Variants in ZNF585A observed in about 807,000 individuals in gnomAD.
ZNF585A encodes the protein zinc finger protein 585A.
In ZNF585A, 9 loss-of-function variants were observed where a neutral mutation model predicts 14.9. The ratio of observed to expected loss-of-function variants is 0.60; its 90% CI spans 0.36 to 1.05. ZNF585A has a LOEUF of 1.05. ZNF585A is among the 50% of genes least tolerant of loss of function. The pLI, the probability that ZNF585A is intolerant of heterozygous loss-of-function variation, is 0.01. For synonymous variants in ZNF585A, 276 were observed against 319.9 expected (o/e 0.86, Z 1.46); for missense variants, 726 against 926.4 (o/e 0.78, Z 2.81).
At chr19:37,157,861 T>TAACCAA (rs1971954281) in intron 2 of ZNF585A, among the ~76,000 whole-genome samples, 1 of 151,530 alleles carries the variant, frequency 6.6e-6, no homozygotes, top group African/African-American at 2.4e-5. Flanking sequence ...TTACACAGGA[T>TAACCAA]AACCAAACAG....
intron 4 of ZNF585A, among the ~76,000 whole-genome samples, chr19:37,153,997 A>G (rs1971883416): frequency 6.6e-6 from 1 of 152,192 alleles, no homozygotes; most frequent in East Asian, 1.9e-4. Context: ...CTCTTCAGAG[A>G]TTCCGTGCTA....
intron 2 of ZNF585A, among the ~76,000 whole-genome samples, chr19:37,166,666 AACTTGTCAACACATTTTTT>A (rs1360782903): frequency 0.022 from 3,325 of 152,022 alleles, 128 homozygotes; most frequent in African/African-American, 0.076. Flanking sequence ...TCAACACATC[AACTTGTCAACACATTTTTT>A]GATTGTCAAC....
At chr19:37,165,346 A>C (rs1392397991) in intron 2 of ZNF585A, 2 of 151,886 alleles carry the variant, frequency 1.3e-5, no homozygotes, top group African/African-American at 4.8e-5. Context: ...ACTACAGAGC[A>C]AGACTATGTC....
chr19:37,147,024 T>G lies in ZNF585A; in HGVS notation c.*4565A>C, dbSNP rs1440904819. On this transcript the variant is annotated 3_prime_UTR_variant, in exon 5 of 5. Transcript: ENST00000292841. ...TATTCATTCATCCATTTAACAAGCT[T>G]GTACTGAGCATCTGCTTTGAGCTGG... The G allele has an allele frequency of 6.6e-6, 1 of 152,200 alleles. No individual in the cohort carries two copies. Among genetic ancestry groups the G allele is most frequent in the Non-Finnish European group, 1.5e-5 (1 of 68,060 alleles). 9.4% of individuals were successfully genotyped at this position (152,200 alleles called of 1,614,324 possible).
At chr19:37,154,982 C>T (rs1350689683) in intron 4 of ZNF585A, among the ~76,000 whole-genome samples, 1 of 149,274 alleles carries the variant, frequency 6.7e-6, no homozygotes, top group Non-Finnish European at 1.5e-5. Flanking sequence ...ATGAGCATAA[C>T]CAAGAAAGAA....
intron 1 of ZNF585A, among the ~76,000 whole-genome samples, chr19:37,171,153 G>A (rs75257747): frequency 0.013 from 2,033 of 152,238 alleles, 17 homozygotes; most frequent in African/African-American, 0.023. Flanking sequence ...CAGCAGGACT[G>A]ATCACTTAAT....
At position 37,151,942 on chromosome 19, in the gene ZNF585A, G is replaced by A; in HGVS notation, c.1957C>T (p.Gln653Ter). ...FSGRSNLSKHQKTHTGEKPYI... is the reference protein window; with the variant it reads ...FSGRSNLSKH ...GGCTTTTCTCCGGTATGAGTTTTCTGGTGCTTACTGAGATTTGACCTGCCA... is the reference window on the plus strand; with the variant it reads ...GGCTTTTCTCCGGTATGAGTTTTCTAGTGCTTACTGAGATTTGACCTGCCA... Residue 653 changes from glutamine (Q) to a stop codon, truncating the protein, a stop_gained, in exon 5 of 5, where the codon CAG (glutamine) becomes TAG (stop). Coordinates refer to ENST00000292841, the MANE Select transcript of ZNF585A (RefSeq NM_001288800.2). LOFTEE classifies it low-confidence loss of function (END_TRUNC). The A allele has an allele frequency of 1.2e-6, 2 of 1,613,612 alleles. No homozygotes were observed. Among genetic ancestry groups the A allele is most frequent in the Non-Finnish European group, 1.7e-6 (2 of 1,179,940 alleles).
chr19:37,159,216 T>G (rs1599751107), intron 2 of ZNF585A, among the ~76,000 whole-genome samples: 1 of 122,042 alleles, frequency 8.2e-6, no homozygotes, highest in African/African-American at 3.3e-5. Context: ...GCCACTGCAC[T>G]CCAGCCGAGG....
At chr19:37,166,832 A>T (rs1972099617) in intron 2 of ZNF585A, among the ~76,000 whole-genome samples, 1 of 151,634 alleles carries the variant, frequency 6.6e-6, no homozygotes, top group Admixed American at 6.6e-5. Context: ...TTAGCACATA[A>T]ACTTACTTTA....
In ZNF585A at chr19:37,153,502, C is replaced by A. The variant is rs533790578; in HGVS notation, c.397G>T (p.Ala133Ser). ...MYPGEKAYEC[A>S]KFEKIFTQKS... ...TGGGTGAATATCTTTTCAAATTTGG[C>A]GCATTCATAAGCTTTCTCCCCAGGA... is the stretch of plus-strand genomic sequence containing the variant. Residue 133 changes from alanine (A) to serine (S), a missense_variant, in exon 5 of 5, where the codon GCC (alanine) becomes TCC (serine). Ala to Ser is a moderately conservative substitution (Grantham distance 99). Transcript: ENST00000292841. The A allele has an allele frequency of 1.9e-6, 3 of 1,614,024 alleles. No individual in the cohort carries two copies. In the South Asian group the frequency reaches 3.3e-5, roughly 18 times the overall value.
In ZNF585A at chr19:37,151,927, C is replaced by T. The variant is rs760168331; in HGVS notation, c.1972G>A (p.Gly658Arg). ...NLSKHQKTHT[G>R]EKPYICSECG... ...TCAGAACAAATGTAGGGCTTTTCTC[C>T]GGTATGAGTTTTCTGGTGCTTACTG... The change falls in exon 5 of 5, where the codon GGA becomes AGA. Residue 658 changes from glycine to arginine, a missense_variant. By Grantham distance (125) the Gly-to-Arg change is moderately radical. Transcript: ENST00000292841. 20 of 1,613,150 alleles carry T rather than the reference C, an allele frequency of 1.2e-5. No individual in the cohort carries two copies. Among genetic ancestry groups the T allele is most frequent in the South Asian group, 8.8e-5 (8 of 91,030 alleles).
intron 2 of ZNF585A, among the ~76,000 whole-genome samples, chr19:37,166,503 A>G (rs111453469): frequency 0.022 from 3,330 of 150,830 alleles, 124 homozygotes; most frequent in African/African-American, 0.077. Context: ...TAGTAGAAAC[A>G]GAGTTCCACC....
intron 2 of ZNF585A, among the ~76,000 whole-genome samples, chr19:37,160,758 G>C (rs1157784598): frequency 6.6e-6 from 1 of 152,082 alleles, no homozygotes; most frequent in Non-Finnish European, 1.5e-5. Flanking sequence ...AAATGGATAA[G>C]ATAAACCATC....
At position 37,153,460 on chromosome 19, in the gene ZNF585A, C is replaced by T; in HGVS notation, c.439G>A (p.Val147Ile). Residue 147 changes from valine (V) to isoleucine (I), a missense_variant, in exon 5 of 5, where the codon GTA becomes ATA. Coordinates refer to ENST00000292841, the MANE Select transcript of ZNF585A (RefSeq NM_001288800.2). ...KIFTQKSQLKVHLKVLAGEKL... is the reference protein window; with the variant it reads ...KIFTQKSQLKIHLKVLAGEKL... ...TCTCCTGCAAGAACTTTCAGGTGTA[C>T]TTTGAGCTGTGACTTCTGGGTGAAT... is the stretch of plus-strand genomic sequence containing the variant. The T allele has an allele frequency of 6.2e-7, 1 of 1,614,136 alleles. No individual in the cohort carries two copies. Among genetic ancestry groups the T allele is most frequent in the Non-Finnish European group, 8.5e-7 (1 of 1,180,024 alleles).
intron 2 of ZNF585A, among the ~76,000 whole-genome samples, chr19:37,164,547 A>T (rs1366697841): frequency 1.3e-5 from 2 of 151,962 alleles, no homozygotes; most frequent in Admixed American, 1.3e-4. Flanking sequence ...TATCTTATTG[A>T]TAAGCTATCA....
chr19:37,156,447 T>G (rs1971932946), intron 2 of ZNF585A, 92 bp from the exon 3 acceptor site: 1 of 1,447,332 alleles, frequency 6.9e-7, no homozygotes, highest in African/African-American at 1.4e-5. Flanking sequence ...TCTTGTTGTT[T>G]TAAATTTACA....
At position 37,152,537 on chromosome 19, in the gene ZNF585A, A is replaced by G. The variant is rs1357933481; in HGVS notation, c.1362T>C (p.His454=). Residue 454 remains histidine, a synonymous_variant, in exon 5 of 5, where the codon CAT becomes CAC. Transcript: ENST00000292841. ...CTCCTGTGTGAATTCGTTTATGAAC[A>G]TGGAGTTGCGACTTGGAGGTAAACA... ...GKLFTSKSQL[H]VHKRIHTGEK... is the part of the protein sequence containing the mutation. 1 of 1,614,162 alleles carries G rather than the reference A, an allele frequency of 6.2e-7. No homozygotes were observed. Among genetic ancestry groups the G allele is most frequent in the Non-Finnish European group, 8.5e-7 (1 of 1,180,032 alleles).
At chr19:37,164,173 C>T (rs1972052497) in intron 2 of ZNF585A, among the ~76,000 whole-genome samples, 1 of 152,134 alleles carries the variant, frequency 6.6e-6, no homozygotes, top group African/African-American at 2.4e-5. Context: ...AATCCCAGCA[C>T]TTTGGGAGGC....
intron 2 of ZNF585A, among the ~76,000 whole-genome samples, chr19:37,164,064 C>T (rs926540165): frequency 1.1e-4 from 17 of 152,246 alleles, no homozygotes; most frequent in Admixed American, 2.6e-4. Context: ...AAATGAGTTT[C>T]GGATGCCGTA....
Sources: allele counts gnomAD v4.1 joint callset (sites outside exome capture counted in the v4.1 genomes callset), GRCh38; gene constraint gnomAD v4.1.1; transcripts MANE v1.5; gene names NCBI Gene and HGNC (gene_info 2026-07-23, HGNC 2026-07-21).